RBFOX1: variants seen among roughly 807,000 people sequenced by gnomAD.
RBFOX1 encodes RNA binding fox-1 homolog 1, also known as RNA binding protein fox-1 homolog 1.
In RBFOX1, 8 loss-of-function variants were observed where a neutral mutation model predicts 57.7. That is an observed-to-expected ratio of 0.14 (90% CI 0.08 to 0.25). The LOEUF (loss-of-function observed/expected upper bound fraction) is 0.25. RBFOX1 is among the 10% of genes least tolerant of loss of function. RBFOX1 has a pLI of 1.00. For missense variants in RBFOX1, 611 were observed against 548.5 expected (o/e 1.11, Z -1.14); for synonymous variants, 326 against 222.4 (o/e 1.47, Z -4.15).
intron 1 of RBFOX1, chr16:5,270,889 G>A (rs1338379882): frequency 9.8e-6 from 4 of 408,182 alleles, no homozygotes; most frequent in African/African-American, 2.1e-5. Context: ...ACCCACTAGG[G>A]ACGAGACACA....
At chr16:7,195,915 A>G (rs1311013141) in intron 4 of RBFOX1, among the ~76,000 whole-genome samples, 2 of 152,086 alleles carry the variant, frequency 1.3e-5, no homozygotes, top group Admixed American at 1.3e-4. Context: ...CACTGAATAA[A>G]GGTTAGCCCA....
intron 3 of RBFOX1, among the ~76,000 whole-genome samples, chr16:5,755,882 G>C (rs1198315422): frequency 6.6e-6 from 1 of 152,184 alleles, no homozygotes; most frequent in African/African-American, 2.4e-5. Flanking sequence ...ACAGGCGTGA[G>C]CTCTTGCACC....
rs934979638 is a variant in RBFOX1, at chr16:5,707,093, C to T, written c.318+108132C>T. ...CACAAACACATGAGAAACACCCAGC[C>T]AGCCAAGTCAGGATTTGGATTTTTC... On this transcript the variant is annotated intron_variant, in intron 3 of 19. Transcript: ENST00000641259. 5.9e-5 allele frequency among the ~76,000 whole-genome samples: 9 copies of T among 152,188 alleles called. No individual in the cohort carries two copies. The East Asian group carries it at 1.2e-3, about 20-fold the overall frequency.
At chr16:5,267,895 A>G (rs1452655396) in intron 1 of RBFOX1, among the ~76,000 whole-genome samples, 1 of 152,132 alleles carries the variant, frequency 6.6e-6, no homozygotes, top group Non-Finnish European at 1.5e-5. Context: ...CAGCCTGGCC[A>G]ACATGATGAA....
chr16:6,007,772 C>T (rs1298272541), intron 4 of RBFOX1, among the ~76,000 whole-genome samples: 2 of 151,952 alleles, frequency 1.3e-5, no homozygotes, highest in Non-Finnish European at 2.9e-5. Flanking sequence ...GTGTTTTGAG[C>T]TGGAGATATG....
At chr16:6,697,486 A>C (rs2061226304) in intron 3 of RBFOX1, among the ~76,000 whole-genome samples, 1 of 152,202 alleles carries the variant, frequency 6.6e-6, no homozygotes, top group African/African-American at 2.4e-5. Context: ...CCAAAAACTA[A>C]ATGATGTACA....
intron 3 of RBFOX1, among the ~76,000 whole-genome samples, chr16:5,813,578 T>C (rs1406833251): frequency 1.3e-5 from 2 of 152,192 alleles, no homozygotes; most frequent in Non-Finnish European, 2.9e-5. Flanking sequence ...TATTATAAAA[T>C]TCTGTTTATA....
chr16:6,210,335 A>T (rs28376676), intron 1 of RBFOX1, among the ~76,000 whole-genome samples: 2 of 112,256 alleles, frequency 1.8e-5, no homozygotes, highest in Non-Finnish European at 3.9e-5. Context: ...AAAACAAAAA[A>T]ACAAAAAAAC....
chr16:7,651,159 G>C (rs116640408), intron 11 of RBFOX1, among the ~76,000 whole-genome samples: 1 of 152,170 alleles, frequency 6.6e-6, no homozygotes, highest in African/African-American at 2.4e-5. Context: ...TATTTTACCC[G>C]CATTGTGATA....
intron 3 of RBFOX1, among the ~76,000 whole-genome samples, chr16:5,641,020 C>G (rs546431510): frequency 6.6e-6 from 1 of 151,354 alleles, no homozygotes; most frequent in South Asian, 2.1e-4. Flanking sequence ...TACATGCACA[C>G]CATGCATAAA....
chr16:5,609,515 G>A (rs118080712), intron 3 of RBFOX1, among the ~76,000 whole-genome samples: 1,987 of 152,302 alleles, frequency 0.013, 13 homozygotes, highest in Non-Finnish European at 0.023. Flanking sequence ...GGGCAGGATC[G>A]TCCTGGAGTA....
At chr16:6,341,628 G>A (rs1442322275) in intron 2 of RBFOX1, among the ~76,000 whole-genome samples, 1 of 151,876 alleles carries the variant, frequency 6.6e-6, no homozygotes, top group Non-Finnish European at 1.5e-5. Flanking sequence ...AACCCTGATA[G>A]TAAAGCACAT....
intron 4 of RBFOX1, among the ~76,000 whole-genome samples, chr16:7,392,161 C>T (rs2098040548): frequency 1.3e-5 from 2 of 152,198 alleles, no homozygotes; most frequent in African/African-American, 4.8e-5. Flanking sequence ...ATGTTTTATT[C>T]TGCCTCTTCA....
At chr16:6,626,673 T>A (rs2098312502) in intron 2 of RBFOX1, among the ~76,000 whole-genome samples, 1 of 151,912 alleles carries the variant, frequency 6.6e-6, no homozygotes, top group South Asian at 2.1e-4. Flanking sequence ...GGCAGGAGAA[T>A]TGCTTGAACC....
At chr16:6,866,753 A>C (rs765182117) in intron 3 of RBFOX1, among the ~76,000 whole-genome samples, 1 of 151,912 alleles carries the variant, frequency 6.6e-6, no homozygotes, top group East Asian at 1.9e-4. Flanking sequence ...CGTGTTAGCC[A>C]GGATGGTCTC....
intron 1 of RBFOX1, among the ~76,000 whole-genome samples, chr16:6,139,776 T>G (rs1006165030): frequency 6.6e-6 from 1 of 152,234 alleles, no homozygotes; most frequent in Non-Finnish European, 1.5e-5. Context: ...TGTATCTGTT[T>G]TTGTTTCTCC....
At chr16:7,037,523 C>G (rs776479820) in intron 3 of RBFOX1, among the ~76,000 whole-genome samples, 2 of 152,144 alleles carry the variant, frequency 1.3e-5, no homozygotes, top group Non-Finnish European at 2.9e-5. Context: ...CACGTCCAGT[C>G]CACTGTCAAC....
At chr16:7,288,487 A>G (rs2095694476) in intron 4 of RBFOX1, among the ~76,000 whole-genome samples, 1 of 152,182 alleles carries the variant, frequency 6.6e-6, no homozygotes, top group African/African-American at 2.4e-5. Flanking sequence ...AAATAAGATA[A>G]TGAATGTAAA....
intron 3 of RBFOX1, among the ~76,000 whole-genome samples, chr16:7,005,252 C>A (rs1184630207): frequency 1.3e-5 from 2 of 152,108 alleles, no homozygotes; most frequent in Non-Finnish European, 2.9e-5. Context: ...AATAGCTTTC[C>A]CCTTACCTTT....
Sources: allele counts gnomAD v4.1 joint callset (sites outside exome capture counted in the v4.1 genomes callset), GRCh38; gene constraint gnomAD v4.1.1; transcripts MANE v1.5; gene names NCBI Gene and HGNC (gene_info 2026-07-23, HGNC 2026-07-21).